The following MKLN1 variants were observed in gnomAD, a reference collection of about 807,000 sequenced individuals.
The protein encoded by MKLN1 is muskelin.
A neutral mutation model predicts 99.0 loss-of-function variants in MKLN1; 18 were observed. The observed-to-expected ratio is 0.18, with a 90% CI of 0.13 to 0.27. The LOEUF is 0.27. Among genes scored for constraint, MKLN1 ranks in the 10% least tolerant of loss-of-function variants. MKLN1 has a pLI of 1.00. For missense variants in MKLN1, 621 were observed against 875.9 expected, an observed-to-expected ratio of 0.71 and a Z score of 3.67; for synonymous variants, 288 against 293.2, an observed-to-expected ratio of 0.98 and a Z score of 0.18.
At chr7:131,122,978 G>A (rs10954303) in intron 1 of MKLN1, among the ~76,000 whole-genome samples, 63,055 of 137,794 alleles carry the variant, frequency 0.46, 15,230 homozygotes, top group Non-Finnish European at 0.57. Flanking sequence ...AGCCGAGATA[G>A]CGCCACTGCA....
At chr7:131,153,050 C>G (rs1312629619) in intron 2 of MKLN1, among the ~76,000 whole-genome samples, 2 of 133,818 alleles carry the variant, frequency 1.5e-5, no homozygotes, top group African/African-American at 2.9e-5. Context: ...TTTTTTTTGG[C>G]AAGACTGCTT....
At chr7:131,121,125 C>A (rs1168780711) in intron 1 of MKLN1, among the ~76,000 whole-genome samples, 1 of 152,138 alleles carries the variant, frequency 6.6e-6, no homozygotes, top group Non-Finnish European at 1.5e-5. Context: ...CGCATCTTCA[C>A]ATGGCTGGCA....
intron 14 of MKLN1, among the ~76,000 whole-genome samples, chr7:131,464,984 C>T (rs1205260037): frequency 6.6e-6 from 1 of 152,040 alleles, no homozygotes; most frequent in African/African-American, 2.4e-5. Flanking sequence ...CTGACAGAGA[C>T]CAATTCTTTC....
At chr7:131,219,985 G>A (rs888350505) in intron 3 of MKLN1, among the ~76,000 whole-genome samples, 2 of 152,096 alleles carry the variant, frequency 1.3e-5, no homozygotes, top group Non-Finnish European at 2.9e-5. Context: ...GCACTGACAT[G>A]CCGCACTGAG....
At chr7:131,221,047 A>C (rs1255244741) in intron 3 of MKLN1, among the ~76,000 whole-genome samples, 1 of 152,132 alleles carries the variant, frequency 6.6e-6, no homozygotes, top group Non-Finnish European at 1.5e-5. Context: ...TCCCATGTTA[A>C]TCCATCTGCC....
At chr7:131,309,794 C>G (rs1798531222) in intron 3 of MKLN1, 2 of 136,622 alleles carry the variant, frequency 1.5e-5, no homozygotes, top group African/African-American at 5.4e-5. Flanking sequence ...GGTGCCATGT[C>G]AGCTCACTGC....
chr7:131,241,426 C>A (rs1180318007), intron 3 of MKLN1, among the ~76,000 whole-genome samples: 1 of 151,082 alleles, frequency 6.6e-6, no homozygotes, highest in South Asian at 2.1e-4. Flanking sequence ...ACCTTAGCAG[C>A]CCAGGGGCGG....
At chr7:131,322,123 C>G (rs1160051111) in intron 3 of MKLN1, among the ~76,000 whole-genome samples, 2 of 152,202 alleles carry the variant, frequency 1.3e-5, no homozygotes, top group Non-Finnish European at 1.5e-5. Flanking sequence ...CATTATACCA[C>G]TGGATGGGGT....
At chr7:131,151,689 T>C (rs1795890440) in intron 2 of MKLN1, among the ~76,000 whole-genome samples, 1 of 152,092 alleles carries the variant, frequency 6.6e-6, no homozygotes, top group Non-Finnish European at 1.5e-5. Flanking sequence ...ATGTGCAGTA[T>C]AAAAATATAG....
chr7:131,220,453 G>C (rs200599790), intron 3 of MKLN1, among the ~76,000 whole-genome samples: 1 of 33,132 alleles, frequency 3.0e-5, no homozygotes, highest in Non-Finnish European at 6.7e-5. Context: ...CAATGCCCAC[G>C]CAAGTCAATA....
intron 12 of MKLN1, among the ~76,000 whole-genome samples, chr7:131,452,834 C>T (rs1331745720): frequency 6.6e-6 from 1 of 152,178 alleles, no homozygotes; most frequent in Non-Finnish European, 1.5e-5. Flanking sequence ...CAGGCGTGAG[C>T]CACTGCACCC....
chr7:131,203,930 T>C (rs1265231372), intron 3 of MKLN1, among the ~76,000 whole-genome samples: 1 of 152,190 alleles, frequency 6.6e-6, no homozygotes, highest in Non-Finnish European at 1.5e-5. Context: ...TCCTGGGCCC[T>C]GGGCGAAGAA....
At chr7:131,463,084 A>G (rs1796562896) in intron 12 of MKLN1, 133 bp from the exon 13 acceptor site, 3 of 708,702 alleles carry the variant, frequency 4.2e-6, no homozygotes, top group Non-Finnish European at 6.9e-6. Flanking sequence ...GTTGTGCCTC[A>G]CTGCACTTCA....
chr7:131,247,665 G>A (rs1797512672), intron 3 of MKLN1, among the ~76,000 whole-genome samples: 1 of 152,136 alleles, frequency 6.6e-6, no homozygotes, highest in Admixed American at 6.5e-5. Flanking sequence ...GCAAATGACT[G>A]GGTTGTTCCT....
chr7:131,249,971 C>T (rs1412446413), intron 3 of MKLN1, among the ~76,000 whole-genome samples: 1 of 152,104 alleles, frequency 6.6e-6, no homozygotes, highest in Non-Finnish European at 1.5e-5. Context: ...CTTTTGAGGA[C>T]GTTTTCTCAG....
chr7:131,380,606 C>A (rs987994488), intron 2 of MKLN1, among the ~76,000 whole-genome samples: 1 of 152,112 alleles, frequency 6.6e-6, no homozygotes, highest in Non-Finnish European at 1.5e-5. Context: ...TATAATATTG[C>A]AGATGCAAAA....
At chr7:131,312,383 T>C (rs1798582655) in intron 3 of MKLN1, among the ~76,000 whole-genome samples, 1 of 152,174 alleles carries the variant, frequency 6.6e-6, no homozygotes, top group Non-Finnish European at 1.5e-5. Context: ...AAAGAGCAGA[T>C]TAATGCTCCA....
intron 1 of MKLN1, among the ~76,000 whole-genome samples, chr7:131,356,445 C>G (rs554485693): frequency 1.8e-4 from 28 of 152,222 alleles, no homozygotes; most frequent in Middle Eastern, 3.4e-3. Context: ...CATTTCCCCC[C>G]CCAAGAGTCC....
upstream of MKLN1, chr7:131,327,725 G>A (rs1798924086): frequency 2.5e-6 from 3 of 1,199,554 alleles, no homozygotes; most frequent in Admixed American, 3.0e-5. Flanking sequence ...AGGAGCGAGC[G>A]ACGTGGGAAA....
Sources: allele counts gnomAD v4.1 joint callset (sites outside exome capture counted in the v4.1 genomes callset), GRCh38; gene constraint gnomAD v4.1.1; transcripts MANE v1.5; gene names NCBI Gene and HGNC (gene_info 2026-07-23, HGNC 2026-07-21).